GDF11: variants seen among roughly 807,000 people sequenced by gnomAD.
GDF11 encodes growth differentiation factor 11.
In GDF11, 12 loss-of-function variants were observed where a neutral mutation model predicts 34.4. The ratio of observed to expected loss-of-function variants is 0.35; its 90% CI spans 0.22 to 0.57. GDF11 has a LOEUF of 0.57. Among genes scored for constraint, GDF11 ranks in the 20% least tolerant of loss-of-function variants. The pLI is 0.86. For synonymous variants in GDF11, 212 were observed against 231.1 expected, an observed-to-expected ratio of 0.92 and a Z score of 0.75; for missense variants, 346 against 548.2, an observed-to-expected ratio of 0.63 and a Z score of 3.68.
Position 55,743,400 on chromosome 12 carries a change from CGCGGCGGCG to C in GDF11, c.108_116del (p.Ala39_Ala41del), listed in dbSNP as rs759951553. The C allele has an allele frequency of 2.8e-3, 2,763 of 992,838 alleles. 1 individual carries two copies. Among genetic ancestry groups the C allele is most frequent in the East Asian group, 4.1e-3 (37 of 9,118 alleles). 61.5% of individuals were successfully genotyped at this position (992,838 alleles called of 1,614,324 possible). A position where few individuals can be genotyped will look rare whatever the true frequency, so the allele number is the denominator to read the frequency against. The stretch of plus-strand genomic sequence containing the variant: ...CCCGGGGGGAGGCGGCCGAGGGCCC[CGCGGCGGCG>C]GCGGCGGCGGCGGCGGCGGCGGCAG... On this transcript the variant is annotated inframe_deletion, in exon 1 of 3. Coordinates refer to ENST00000257868, the MANE Select transcript of GDF11 (RefSeq NM_005811.5).
chr12:55,754,823 G>A lies in GDF11; in HGVS notation c.*4941G>A, dbSNP rs1878453029. 6.6e-6 allele frequency: 1 copy of A among 152,182 alleles called. No homozygotes were observed. The highest frequency in any genetic ancestry group is 2.1e-4 in the South Asian group (1 of 4,830). The allele number at this position is 152,182 out of a possible 1,614,324, so 9.4% of individuals were successfully genotyped here. A position where few individuals can be genotyped will look rare whatever the true frequency, so the allele number is the denominator to read the frequency against. On this transcript the variant is annotated 3_prime_UTR_variant, in exon 3 of 3. Transcript: ENST00000257868. Reference sequence around the variant, plus strand: ...CAGTCTGAAAAGAGAATGATTATCTGCGCAGGGTCTCAGAGCTAGTGTGGT... The same window carrying A: ...CAGTCTGAAAAGAGAATGATTATCTACGCAGGGTCTCAGAGCTAGTGTGGT...
Position 55,743,774 on chromosome 12 carries a change from C to G in GDF11, c.445+13C>G, listed in dbSNP as rs1419964478. The G allele has an allele frequency of 6.6e-7, 1 of 1,517,330 alleles. No individual in the cohort carries two copies. Among genetic ancestry groups the G allele is most frequent in the African/African-American group, 1.4e-5 (1 of 71,638 alleles). The allele number at this position is 1,517,330 out of a possible 1,614,324, so 94.0% of individuals were successfully genotyped here. On this transcript the variant is annotated intron_variant, in intron 1 of 2. Transcript: ENST00000257868. Reference sequence around the variant, plus strand: ...ATGGCCCAGGAGAGTAAGTGGGCTGCGGGGCGCGAGCAGTGGGGTGCTGGC... The same window carrying G: ...ATGGCCCAGGAGAGTAAGTGGGCTGGGGGGCGCGAGCAGTGGGGTGCTGGC...
chr12:55,748,032 G>T lies in GDF11; in HGVS notation c.446-554G>T, dbSNP rs1249302812. Among the ~76,000 whole-genome samples the T allele has an allele frequency of 6.6e-6, 1 of 152,228 alleles. No homozygotes were observed. The highest frequency in any genetic ancestry group is 2.4e-5 in the African/African-American group (1 of 41,442). On this transcript the variant is annotated intron_variant, in intron 1 of 2. Coordinates refer to ENST00000257868, the MANE Select transcript of GDF11 (RefSeq NM_005811.5). This position sits in a 1 kb window ranked among gnomAD's most constrained non-coding sequence, Gnocchi z 5.6. ...TAATGGGAGTGAGGCAAGAAGCCTA[G>T]ATCTGAATTCTGGTTTACATAATGG...
Position 55,755,037 on chromosome 12 carries a change from T to C in GDF11, c.*5155T>C, listed in dbSNP as rs1023306775. The C allele has an allele frequency of 2.0e-5, 3 of 152,136 alleles. No homozygotes were observed. The highest frequency in any genetic ancestry group is 7.2e-5 in the African/African-American group (3 of 41,404). 9.4% of individuals were successfully genotyped at this position (152,136 alleles called of 1,614,324 possible). The stretch of plus-strand genomic sequence containing the variant: ...TGAAACCTGTAATTTTAAATCCCTT[T>C]GGAAGGGAAAAACAAGAAAAGTCTA... On this transcript the variant is annotated 3_prime_UTR_variant, in exon 3 of 3. Coordinates refer to ENST00000257868, the MANE Select transcript of GDF11 (RefSeq NM_005811.5).
In GDF11 at chr12:55,757,207, G is replaced by C. The variant is rs1878532954; in HGVS notation, c.*7325G>C. The C allele has an allele frequency of 4.4e-6, 1 of 225,076 alleles. No homozygotes were observed. Among genetic ancestry groups the C allele is most frequent in the Non-Finnish European group, 8.7e-6 (1 of 114,682 alleles). 13.9% of individuals were successfully genotyped at this position (225,076 alleles called of 1,614,324 possible). On this transcript the variant is annotated 3_prime_UTR_variant, in exon 3 of 3. Transcript: ENST00000257868. The stretch of plus-strand genomic sequence containing the variant: ...ATTCTCTATAATATTTGCCCCTGAA[G>C]CTCCCCTTATCTGGTCTAATCTAGC...
intron 1 of GDF11, among the ~76,000 whole-genome samples, chr12:55,747,273 CAG>C (rs1387712137): frequency 6.7e-6 from 1 of 150,234 alleles, no homozygotes; most frequent in Admixed American, 6.7e-5. Flanking sequence ...CCTGGGACCT[CAG>C]AGAATAATCA....
rs1445820719 is a variant in GDF11, at chr12:55,755,130, C to T, written c.*5248C>T. ...AATAATCAGAAATAAGTGGCATTGC[C>T]AGAGGCCCTCATATAAGAGAACAGC... is the stretch of plus-strand genomic sequence containing the variant. On this transcript the variant is annotated 3_prime_UTR_variant, in exon 3 of 3. Coordinates refer to ENST00000257868, the MANE Select transcript of GDF11 (RefSeq NM_005811.5). 1 of 152,112 alleles carries T rather than the reference C, an allele frequency of 6.6e-6. No homozygotes were observed. The highest frequency in any genetic ancestry group is 1.5e-5 in the Non-Finnish European group (1 of 68,036). The allele number at this position is 152,112 out of a possible 1,614,324, so 9.4% of individuals were successfully genotyped here.
Position 55,754,453 on chromosome 12 carries a change from G to A in GDF11, c.*4571G>A, listed in dbSNP as rs1351583607. The stretch of plus-strand genomic sequence containing the variant: ...TCTGGTCTGTAGTGGCGTAGAAGCA[G>A]GAAAATCAATGCTCCAAAGCAACAA... On this transcript the variant is annotated 3_prime_UTR_variant, in exon 3 of 3. Coordinates refer to ENST00000257868, the MANE Select transcript of GDF11 (RefSeq NM_005811.5). 1 of 152,214 alleles carries A rather than the reference G, an allele frequency of 6.6e-6. No individual in the cohort carries two copies. Among genetic ancestry groups the A allele is most frequent in the African/African-American group, 2.4e-5 (1 of 41,440 alleles). 9.4% of individuals were successfully genotyped at this position (152,214 alleles called of 1,614,324 possible). A position where few individuals can be genotyped will look rare whatever the true frequency, so the allele number is the denominator to read the frequency against.
chr12:55,744,767 C>T (rs1878145291), intron 1 of GDF11, among the ~76,000 whole-genome samples: 1 of 152,122 alleles, frequency 6.6e-6, no homozygotes, highest in Non-Finnish European at 1.5e-5. Flanking sequence ...CAAGGTTCCC[C>T]CCTTCCCACA....
chr12:55,749,590 C>T lies in GDF11; in HGVS notation c.932C>T (p.Ser311Phe). The change falls in exon 3 of 3, where the codon TCC becomes TTC. Residue 311 changes from serine (S) to phenylalanine (F), a missense_variant. By Grantham distance (155) the Ser-to-Phe change is radical. Coordinates refer to ENST00000257868, the MANE Select transcript of GDF11 (RefSeq NM_005811.5). The surrounding 1 kb of genome is among the most constrained non-coding windows in gnomAD (Gnocchi z 5.6). ...GACTGCGACGAGCACTCAAGCGAGT[C>T]CCGCTGCTGCCGATATCCCCTCACA... ...GLDCDEHSSE[S>F]RCCRYPLTVD... 1 of 1,614,122 alleles carries T rather than the reference C, an allele frequency of 6.2e-7. No homozygotes were observed. The highest frequency in any genetic ancestry group is 8.5e-7 in the Non-Finnish European group (1 of 1,180,028).
At position 55,743,679 on chromosome 12, in the gene GDF11, C is replaced by T; in HGVS notation, c.363C>T (p.Gly121=). The T allele has an allele frequency of 6.2e-7, 1 of 1,603,170 alleles. No individual in the cohort carries two copies. The change falls in exon 1 of 3, where the codon GGC becomes GGT. Residue 121 remains glycine, a synonymous_variant. Coordinates refer to ENST00000257868, the MANE Select transcript of GDF11 (RefSeq NM_005811.5). ...TCCTGGACCTACACGACTTCCAGGG[C>T]GACGCGCTGCAGCCCGAGGACTTCC... ...QQILDLHDFQ[G]DALQPEDFLE...
chr12:55,749,700 A>G lies in GDF11; in HGVS notation c.1042A>G (p.Met348Val). The G allele has an allele frequency of 1.9e-6, 3 of 1,614,132 alleles. No homozygotes were observed. Among genetic ancestry groups the G allele is most frequent in the Middle Eastern group, 1.6e-4 (1 of 6,062 alleles). ...ANYCSGQCEY[M>V]FMQKYPHTHL... The stretch of plus-strand genomic sequence containing the variant: ...CTACTGCTCCGGCCAGTGCGAGTAC[A>G]TGTTCATGCAAAAATATCCGCATAC... Residue 348 changes from methionine to valine, a missense_variant, in exon 3 of 3, where the codon ATG becomes GTG. Transcript: ENST00000257868. This position sits in a 1 kb window ranked among gnomAD's most constrained non-coding sequence, Gnocchi z 5.6.
chr12:55,749,706 A>G lies in GDF11; in HGVS notation c.1048A>G (p.Met350Val). 2 of 1,614,172 alleles carry G rather than the reference A, an allele frequency of 1.2e-6. No individual in the cohort carries two copies. Among genetic ancestry groups the G allele is most frequent in the Non-Finnish European group, 1.7e-6 (2 of 1,180,032 alleles). Reference sequence around the variant, plus strand: ...CTCCGGCCAGTGCGAGTACATGTTCATGCAAAAATATCCGCATACCCATTT... The same window carrying G: ...CTCCGGCCAGTGCGAGTACATGTTCGTGCAAAAATATCCGCATACCCATTT... ...YCSGQCEYMF[M>V]QKYPHTHLVQ... The change falls in exon 3 of 3, where the codon ATG (methionine) becomes GTG (valine). Residue 350 changes from methionine (M) to valine (V), a missense_variant. Transcript: ENST00000257868. The surrounding 1 kb of genome is among the most constrained non-coding windows in gnomAD (Gnocchi z 5.6).
Position 55,755,604 on chromosome 12 carries a change from T to C in GDF11, c.*5722T>C, listed in dbSNP as rs540247810. Reference sequence around the variant, plus strand: ...ATTACAAGCCTCAATGTCTGTTCCATCTCCAAACGGAATTACTATTTTAAA... The same window carrying C: ...ATTACAAGCCTCAATGTCTGTTCCACCTCCAAACGGAATTACTATTTTAAA... On this transcript the variant is annotated 3_prime_UTR_variant, in exon 3 of 3. Transcript: ENST00000257868. 6.6e-6 allele frequency: 1 copy of C among 152,230 alleles called. No homozygotes were observed. The highest frequency in any genetic ancestry group is 1.9e-4 in the East Asian group (1 of 5,178). The allele number at this position is 152,230 out of a possible 1,614,324, so 9.4% of individuals were successfully genotyped here.
chr12:55,748,979 G>A lies in GDF11; in HGVS notation c.839G>A (p.Gly280Glu). 6.3e-7 allele frequency: 1 copy of A among 1,596,310 alleles called. No homozygotes were observed. The change falls in exon 2 of 3, where the codon GGG (glycine) becomes GAG (glutamate). Residue 280 changes from glycine (G) to glutamate (E), a missense_variant. Physicochemically the swap from Gly to Glu is moderately conservative, Grantham distance 98 (BLOSUM62 -2). Transcript: ENST00000257868. This position sits in a 1 kb window ranked among gnomAD's most constrained non-coding sequence, Gnocchi z 5.6. The stretch of plus-strand genomic sequence containing the variant: ...ACCTCCCTGGGGCCGGGAGCCGAGG[G>A]GCTGGTGAGCAGGGGGCCTGAGGTG... ...AVTSLGPGAE[G>E]LHPFMELRVL...
In GDF11 at chr12:55,743,421, GGCGGCGGCGGCA is replaced by G. The variant is rs775952328; in HGVS notation, c.113_124del (p.Ala38_Ala41del). ...GCCCCGCGGCGGCGGCGGCGGCGGC[GGCGGCGGCGGCA>G]GCGGCGGGGGTCGGGGGGGAGCGCT... On this transcript the variant is annotated inframe_deletion, in exon 1 of 3. Transcript: ENST00000257868. The G allele has an allele frequency of 2.0e-5, 21 of 1,059,604 alleles. No individual in the cohort carries two copies. The East Asian group carries it at 1.3e-3, about 64-fold the overall frequency. 65.6% of individuals were successfully genotyped at this position (1,059,604 alleles called of 1,614,324 possible).
At position 55,747,719 on chromosome 12, in the gene GDF11, T is replaced by C. The variant is rs772250; in HGVS notation, c.446-867T>C. 7.0e-3 allele frequency among the ~76,000 whole-genome samples: 1,068 copies of C among 152,252 alleles called. 17 individuals are homozygous for C. The highest frequency in any genetic ancestry group is 0.025 in the African/African-American group (1,018 of 41,534). On this transcript the variant is annotated intron_variant, in intron 1 of 2. Coordinates refer to ENST00000257868, the MANE Select transcript of GDF11 (RefSeq NM_005811.5). ...AGGGGAAATGGGTCAAAATGTAAAG[T>C]TGGGATGTTCAAACTTTGTAAAGAC...
chr12:55,750,071 G>A lies in GDF11; in HGVS notation c.*189G>A, dbSNP rs1166581339. The stretch of plus-strand genomic sequence containing the variant: ...AGGGTGAGGGGTTTGGGGGAAAGGG[G>A]AAGCAGGGGCATAGTCAGGGTGGGG... On this transcript the variant is annotated 3_prime_UTR_variant, in exon 3 of 3. Coordinates refer to ENST00000257868, the MANE Select transcript of GDF11 (RefSeq NM_005811.5). The A allele has an allele frequency of 6.7e-6, 4 of 592,684 alleles. No individual in the cohort carries two copies. Among genetic ancestry groups the A allele is most frequent in the Non-Finnish European group, 1.2e-5 (4 of 336,298 alleles). The allele number at this position is 592,684 out of a possible 1,614,324, so 36.7% of individuals were successfully genotyped here.
intron 1 of GDF11, among the ~76,000 whole-genome samples, chr12:55,747,949 T>G (rs561810600): frequency 2.6e-5 from 4 of 152,288 alleles, no homozygotes; most frequent in Admixed American, 1.3e-4. Context: ...TAAGAGAGAA[T>G]GGGGAGACAG....
Sources: allele counts gnomAD v4.1 joint callset (sites outside exome capture counted in the v4.1 genomes callset), GRCh38; gene constraint gnomAD v4.1.1; non-coding constraint Gnocchi (gnomAD v3.1); transcripts MANE v1.5; gene names NCBI Gene and HGNC (gene_info 2026-07-23, HGNC 2026-07-21).